DCDC2: variants seen among roughly 807,000 people sequenced by gnomAD.
The protein encoded by DCDC2 is doublecortin domain-containing protein 2.
Under a neutral mutation model 50.2 loss-of-function variants are expected in DCDC2, and 40 were observed. That is an observed-to-expected ratio of 0.80 (90% CI 0.62 to 1.04). DCDC2 has a LOEUF of 1.04. Among genes scored for constraint, DCDC2 ranks in the 50% least tolerant of loss-of-function variants. The pLI is 0.00. For synonymous variants in DCDC2, 234 were observed against 210.6 expected (o/e 1.11, Z -0.96); for missense variants, 570 against 581.9 (o/e 0.98, Z 0.21).
chr6:24,260,697 G>T (rs1762989487), intron 7 of DCDC2, among the ~76,000 whole-genome samples: 1 of 152,198 alleles, frequency 6.6e-6, no homozygotes, highest in South Asian at 2.1e-4. Flanking sequence ...GTTATAGAGT[G>T]CTGTACTAAT....
At chr6:24,301,227 C>T (rs1337792357) in intron 4 of DCDC2, among the ~76,000 whole-genome samples, 6 of 151,618 alleles carry the variant, frequency 4.0e-5, no homozygotes, top group Non-Finnish European at 7.4e-5. Context: ...AAAAATTAGC[C>T]GGGCGTGGTG....
chr6:24,312,287 G>T (rs1322410672), intron 2 of DCDC2, among the ~76,000 whole-genome samples: 1 of 152,090 alleles, frequency 6.6e-6, no homozygotes, highest in Non-Finnish European at 1.5e-5. Flanking sequence ...CTCACACAAA[G>T]CCTGTTTGGT....
At chr6:24,251,347 T>A (rs1762789140) in intron 7 of DCDC2, among the ~76,000 whole-genome samples, 1 of 152,230 alleles carries the variant, frequency 6.6e-6, no homozygotes, top group Non-Finnish European at 1.5e-5. Context: ...GTGCTTTTCC[T>A]TATTAGTGCC....
chr6:24,265,798 CA>C (rs1166623134), intron 7 of DCDC2, among the ~76,000 whole-genome samples: 1 of 146,218 alleles, frequency 6.8e-6, no homozygotes, highest in African/African-American at 2.5e-5. Flanking sequence ...GTGCCTACAT[CA>C]AAAAAGTAAA....
At chr6:24,258,241 T>C (rs1235605259) in intron 7 of DCDC2, among the ~76,000 whole-genome samples, 1 of 152,158 alleles carries the variant, frequency 6.6e-6, no homozygotes, top group Non-Finnish European at 1.5e-5. Flanking sequence ...AGCGTGCAAG[T>C]GGACCCAAGT....
intron 8 of DCDC2, among the ~76,000 whole-genome samples, chr6:24,189,195 G>A (rs1761264797): frequency 1.3e-5 from 2 of 152,066 alleles, no homozygotes; most frequent in South Asian, 2.1e-4. Flanking sequence ...GATTTGTATG[G>A]GAAGACAGAA....
chr6:24,282,751 C>A (rs1763505848), intron 6 of DCDC2, among the ~76,000 whole-genome samples: 1 of 123,034 alleles, frequency 8.1e-6, no homozygotes. Flanking sequence ...TGGGTGCACC[C>A]AGAGACATTA....
chr6:24,262,453 G>A (rs1763032187), intron 7 of DCDC2, among the ~76,000 whole-genome samples: 1 of 152,226 alleles, frequency 6.6e-6, no homozygotes, highest in Non-Finnish European at 1.5e-5. Context: ...CAACTCCTGG[G>A]AAAGCCCTGG....
chr6:24,218,896 T>C (rs1321575140), intron 7 of DCDC2, among the ~76,000 whole-genome samples: 1 of 152,212 alleles, frequency 6.6e-6, no homozygotes, highest in Non-Finnish European at 1.5e-5. Flanking sequence ...TAATTTCATT[T>C]GAAAAGGAAT....
intron 8 of DCDC2, among the ~76,000 whole-genome samples, chr6:24,193,776 G>C (rs955434587): frequency 6.6e-6 from 1 of 151,996 alleles, no homozygotes; most frequent in Non-Finnish European, 1.5e-5. Flanking sequence ...CCCTATTTTT[G>C]ATAGGGGGAA....
At chr6:24,194,534 A>G (rs1411271157) in intron 8 of DCDC2, among the ~76,000 whole-genome samples, 2 of 152,158 alleles carry the variant, frequency 1.3e-5, no homozygotes, top group East Asian at 1.9e-4. Context: ...ACAATTGTGT[A>G]TTTGGTTATT....
At chr6:24,175,024 A>G (rs1760871616) in intron 9 of DCDC2, among the ~76,000 whole-genome samples, 190 bp from the exon 10 acceptor site, 1 of 152,104 alleles carries the variant, frequency 6.6e-6, no homozygotes, top group African/African-American at 2.4e-5. Flanking sequence ...CAACACTTGT[A>G]CAAAAGTCCT....
the DCDC2 span, among the ~76,000 whole-genome samples, chr6:24,370,187 T>C: frequency 1.2e-4 from 18 of 152,160 alleles, no homozygotes; most frequent in African/African-American, 4.3e-4. Flanking sequence ...TACTAATGGA[T>C]ATAGAGGCTA....
intron 7 of DCDC2, among the ~76,000 whole-genome samples, chr6:24,245,727 A>T (rs1036862765): frequency 6.6e-6 from 1 of 152,250 alleles, no homozygotes; most frequent in Non-Finnish European, 1.5e-5. Flanking sequence ...AACAGTAGAA[A>T]GAACAATTTT....
chr6:24,328,749 C>T lies in DCDC2; in HGVS notation c.348+24820G>A, dbSNP rs549497783. On this transcript the variant is annotated intron_variant, in intron 2 of 9. Coordinates refer to ENST00000378454, the MANE Select transcript of DCDC2 (RefSeq NM_016356.5). ...TTATCATGCAATATTAATTGCATGC[C>T]CCTTGAAATGCTTATCAACATTGGG... Among the ~76,000 whole-genome samples, 308 of 152,228 alleles carry T rather than the reference C, an allele frequency of 2.0e-3. 1 individual carries two copies. Among genetic ancestry groups the T allele is most frequent in the African/African-American group, 7.2e-3 (297 of 41,530 alleles).
upstream of DCDC2, among the ~76,000 whole-genome samples, chr6:24,358,896 T>TA (rs1561788459): frequency 0.025 from 624 of 24,518 alleles, 28 homozygotes; most frequent in African/African-American, 0.097. Flanking sequence ...TATTTATATA[T>TA]ATAATATATT....
chr6:24,263,691 A>G (rs1296632039), intron 7 of DCDC2, among the ~76,000 whole-genome samples: 8 of 152,206 alleles, frequency 5.3e-5, no homozygotes, highest in African/African-American at 1.4e-4. Flanking sequence ...AGAGGAGACA[A>G]ACAAAAAAGA....
In DCDC2 at chr6:24,234,541, A is replaced by G. The variant is rs138205878; in HGVS notation, c.923-29439T>C. Among the ~76,000 whole-genome samples the G allele has an allele frequency of 4.2e-4, 64 of 152,290 alleles. 1 individual carries two copies. Among genetic ancestry groups the G allele is most frequent in the Middle Eastern group, 3.4e-3 (1 of 294 alleles). ...AGGAGGTTATTGCTGCCTGTGGAGAAAAAAAGGAGAACCTAAACAAGGGTG... is the reference window on the plus strand; with the variant it reads ...AGGAGGTTATTGCTGCCTGTGGAGAGAAAAAGGAGAACCTAAACAAGGGTG... On this transcript the variant is annotated intron_variant, in intron 7 of 9. Coordinates refer to ENST00000378454, the MANE Select transcript of DCDC2 (RefSeq NM_016356.5).
intron 7 of DCDC2, among the ~76,000 whole-genome samples, chr6:24,207,010 A>G (rs532356353): frequency 6.6e-6 from 1 of 152,370 alleles, no homozygotes; most frequent in Non-Finnish European, 1.5e-5. Flanking sequence ...CAGAACAGCT[A>G]GAAAGGCCTT....
Sources: gnomAD v4.1 joint callset for allele counts (sites outside exome capture counted in the v4.1 genomes callset) on GRCh38, gnomAD v4.1.1 for gene constraint, MANE v1.5 for transcripts, NCBI Gene and HGNC (gene_info 2026-07-23, HGNC 2026-07-21) for gene names.